The following TMED10 variants were observed in gnomAD, a reference collection of about 807,000 sequenced individuals.
TMED10 encodes the protein transmembrane p24 trafficking protein 10.
A neutral mutation model predicts 23.1 loss-of-function variants in TMED10; 7 were observed. That is an observed-to-expected ratio of 0.30 (90% CI 0.17 to 0.57). The LOEUF (loss-of-function observed/expected upper bound fraction) is 0.57. Ranked by LOEUF, TMED10 falls within the 20% of genes least tolerant of loss-of-function variation. The probability of loss-of-function intolerance (pLI) is 0.91; values close to 1 mark genes in which losing one functional copy is unlikely to be tolerated. For missense variants in TMED10, 162 were observed against 274.8 expected, an observed-to-expected ratio of 0.59 and a Z score of 2.90; for synonymous variants, 113 against 106.9, an observed-to-expected ratio of 1.06 and a Z score of -0.35.
At chr14:75,145,826 T>C (rs372615050) in intron 3 of TMED10, among the ~76,000 whole-genome samples, 1 of 152,130 alleles carries the variant, frequency 6.6e-6, no homozygotes, top group Non-Finnish European at 1.5e-5. Flanking sequence ...ACAGGCATCA[T>C]GTTGGAGAAA....
chr14:75,171,619 T>C (rs1896234599), intron 1 of TMED10, among the ~76,000 whole-genome samples: 1 of 100,534 alleles, frequency 9.9e-6, no homozygotes, highest in Non-Finnish European at 2.2e-5. Context: ...AGCCAAAGAA[T>C]ACAAGTGGCT....
At chr14:75,150,035 T>A (rs1479919096) in intron 2 of TMED10, among the ~76,000 whole-genome samples, 2 of 152,110 alleles carry the variant, frequency 1.3e-5, no homozygotes, top group Admixed American at 6.5e-5. Context: ...CCCGGTAAAG[T>A]TGCAGTGAGC....
chr14:75,139,990 TGACG>T (rs1895801909), intron 3 of TMED10, among the ~76,000 whole-genome samples: 1 of 152,172 alleles, frequency 6.6e-6, no homozygotes, highest in African/African-American at 2.4e-5. Flanking sequence ...CACCAAAATC[TGACG>T]GACTTAACAA....
chr14:75,175,189 T>C (rs1381544141), intron 1 of TMED10, among the ~76,000 whole-genome samples: 1 of 151,836 alleles, frequency 6.6e-6, no homozygotes, highest in Non-Finnish European at 1.5e-5. Context: ...AGATATCAAA[T>C]TATATTAATG....
intron 1 of TMED10, among the ~76,000 whole-genome samples, chr14:75,158,727 C>T (rs751519712): frequency 1.7e-4 from 26 of 151,918 alleles, no homozygotes; most frequent in Non-Finnish European, 3.2e-4. Context: ...GAGTTCGAGA[C>T]CAGCCTGACT....
intron 4 of TMED10, 156 bp downstream of exon 4, chr14:75,135,604 C>T (rs765055056): frequency 9.9e-7 from 1 of 1,012,270 alleles, no homozygotes; most frequent in East Asian, 2.6e-5. Context: ...TCTAACAAGG[C>T]TCATTTACCT....
Position 75,132,633 on chromosome 14 carries a change from C to T in TMED10, c.*2252G>A, listed in dbSNP as rs2139826736. ...TTTTATGCCACAGGAGAGGAAGACACAAGGAGTCAAAAGGGGGAAAAAAAA... is the reference window on the plus strand; with the variant it reads ...TTTTATGCCACAGGAGAGGAAGACATAAGGAGTCAAAAGGGGGAAAAAAAA... On this transcript the variant is annotated 3_prime_UTR_variant, in exon 5 of 5. Transcript: ENST00000303575. 6.6e-6 allele frequency: 1 copy of T among 151,998 alleles called. No individual in the cohort carries two copies. The highest frequency in any genetic ancestry group is 2.1e-4 in the South Asian group (1 of 4,816). 9.4% of individuals were successfully genotyped at this position (151,998 alleles called of 1,614,324 possible).
chr14:75,166,178 G>C (rs1431721000), intron 1 of TMED10, among the ~76,000 whole-genome samples: 1 of 152,180 alleles, frequency 6.6e-6, no homozygotes, highest in African/African-American at 2.4e-5. Context: ...ACAAAGTCTT[G>C]TTCTTTCTTA....
chr14:75,151,965 G>T, intron 2 of TMED10, 67 bp downstream of exon 2: 1 of 1,320,512 alleles, frequency 7.6e-7, no homozygotes, highest in South Asian at 1.3e-5. Context: ...ATTAAGTGCT[G>T]ACTGTATTAA....
At chr14:75,159,610 T>C (rs1896062935) in intron 1 of TMED10, among the ~76,000 whole-genome samples, 1 of 152,226 alleles carries the variant, frequency 6.6e-6, no homozygotes, top group Non-Finnish European at 1.5e-5. Context: ...TTTTTTATTT[T>C]AACTTAAGGA....
intron 3 of TMED10, among the ~76,000 whole-genome samples, chr14:75,140,529 G>A (rs1047506193): frequency 5.3e-5 from 8 of 152,132 alleles, no homozygotes; most frequent in African/African-American, 1.9e-4. Context: ...CCAACATGGT[G>A]AAACCCAGTC....
chr14:75,153,555 T>C lies in TMED10; in HGVS notation c.226-1412A>G, dbSNP rs903918264. Among the ~76,000 whole-genome samples the C allele has an allele frequency of 2.6e-5, 4 of 152,298 alleles. No homozygotes were observed. In the East Asian group the frequency reaches 7.7e-4, roughly 29 times the overall value. On this transcript the variant is annotated intron_variant, in intron 1 of 4. Coordinates refer to ENST00000303575, the MANE Select transcript of TMED10 (RefSeq NM_006827.6). ...CGTGGCTGTCTTAGTAGAAAGCATA[T>C]TTCATCACTTAAGACTGGAAGCTAC...
chr14:75,153,719 A>G (rs988320002), intron 1 of TMED10, among the ~76,000 whole-genome samples: 2 of 151,720 alleles, frequency 1.3e-5, no homozygotes, highest in African/African-American at 4.8e-5. Flanking sequence ...TTATATATTT[A>G]AAAGTACTTT....
At chr14:75,176,162 C>T in intron 1 of TMED10, 193 bp downstream of exon 1, 2 of 651,994 alleles carry the variant, frequency 3.1e-6, no homozygotes, top group Non-Finnish European at 5.2e-6. Flanking sequence ...GGTTCCCAGG[C>T]GTTGGTGACC....
Position 75,158,496 on chromosome 14 carries a change from T to C in TMED10, c.226-6353A>G, listed in dbSNP as rs1896048429. ...GTGTGCACCACTACACCCGACTAATTGTCTTATTTTTTGTAGAGACAGGGT... is the reference window on the plus strand; with the variant it reads ...GTGTGCACCACTACACCCGACTAATCGTCTTATTTTTTGTAGAGACAGGGT... On this transcript the variant is annotated intron_variant, in intron 1 of 4. Transcript: ENST00000303575. Among the ~76,000 whole-genome samples, 3 of 152,040 alleles carry C rather than the reference T, an allele frequency of 2.0e-5. No individual in the cohort carries two copies. The South Asian group carries it at 6.2e-4, about 31-fold the overall frequency.
At position 75,136,014 on chromosome 14, in the gene TMED10, CAT is replaced by C. The variant is rs1434820064; in HGVS notation, c.412-130_412-129del. The C allele has an allele frequency of 1.8e-5, 24 of 1,344,534 alleles. No individual in the cohort carries two copies. The African/African-American group carries it at 2.5e-4, about 14-fold the overall frequency. 83.3% of individuals were successfully genotyped at this position (1,344,534 alleles called of 1,614,324 possible). ...AATTCTCTCCTATCAATCATCCTAA[CAT>C]ATTTTAAAATTTGGGCTTCTTTCTT... On this transcript the variant is annotated intron_variant, in intron 3 of 4. Coordinates refer to ENST00000303575, the MANE Select transcript of TMED10 (RefSeq NM_006827.6).
At chr14:75,147,569 T>G in intron 3 of TMED10, 95 bp downstream of exon 3, 1 of 1,288,144 alleles carries the variant, frequency 7.8e-7, no homozygotes, top group Non-Finnish European at 1.1e-6. Flanking sequence ...ACCACAGCCC[T>G]TTGGGCAAAG....
chr14:75,136,795 G>T (rs569721106), intron 3 of TMED10: 1 of 152,118 alleles, frequency 6.6e-6, no homozygotes, highest in Admixed American at 6.6e-5. Context: ...GTTATCAAAA[G>T]AAATCTTCAA....
At chr14:75,166,689 A>AT (rs1047712067) in intron 1 of TMED10, among the ~76,000 whole-genome samples, 5 of 152,214 alleles carry the variant, frequency 3.3e-5, no homozygotes, top group African/African-American at 9.7e-5. Context: ...AAAAGCTAGG[A>AT]ACTTTGTATA....
Sources: allele counts gnomAD v4.1 joint callset (sites outside exome capture counted in the v4.1 genomes callset), GRCh38; gene constraint gnomAD v4.1.1; transcripts MANE v1.5; gene names NCBI Gene and HGNC (gene_info 2026-07-23, HGNC 2026-07-21).